WWOX: variants seen among roughly 807,000 people sequenced by gnomAD.
WWOX encodes WW domain containing oxidoreductase, also known as WW domain-containing oxidoreductase.
In WWOX, 69 loss-of-function variants were observed where a neutral mutation model predicts 46.2. The observed-to-expected ratio is 1.49, with a 90% CI of 1.23 to 1.82. The LOEUF (loss-of-function observed/expected upper bound fraction) is 1.82. Ranked by LOEUF, WWOX falls within the 40% of genes most tolerant of loss-of-function variation. WWOX has a pLI of 0.00. For synonymous variants in WWOX, 359 were observed against 202.6 expected, an observed-to-expected ratio of 1.77 and a Z score of -6.56; for missense variants, 919 against 542.6, an observed-to-expected ratio of 1.69 and a Z score of -6.89.
intron 5 of WWOX, among the ~76,000 whole-genome samples, chr16:78,315,653 AGAATAAAAAT>A (rs1443335181): frequency 6.6e-6 from 1 of 151,898 alleles, no homozygotes; most frequent in Non-Finnish European, 1.5e-5. Flanking sequence ...GTCTCAAAAA[AGAATAAAAAT>A]GAATAAAAAT....
chr16:79,025,292 C>T (rs1244489212), intron 8 of WWOX, among the ~76,000 whole-genome samples: 1 of 152,122 alleles, frequency 6.6e-6, no homozygotes, highest in Non-Finnish European at 1.5e-5. Flanking sequence ...AAGACAGTAG[C>T]CCTTTGGGTT....
chr16:78,795,657 T>C (rs191910403), intron 8 of WWOX, among the ~76,000 whole-genome samples: 2 of 152,200 alleles, frequency 1.3e-5, no homozygotes, highest in Admixed American at 6.5e-5. Context: ...TGAATTTTTA[T>C]TTTTTTATTA....
chr16:78,173,313 G>A (rs1217877366), intron 5 of WWOX, among the ~76,000 whole-genome samples: 2 of 152,018 alleles, frequency 1.3e-5, no homozygotes, highest in Non-Finnish European at 1.5e-5. Context: ...TTTTGAGATA[G>A]GGTATTGCTC....
At chr16:79,121,969 T>G (rs1043321182) in intron 8 of WWOX, among the ~76,000 whole-genome samples, 1 of 152,076 alleles carries the variant, frequency 6.6e-6, no homozygotes, top group African/African-American at 2.4e-5. Context: ...GTGCTACGGA[T>G]TTAATATAGC....
rs554487189 is a variant in WWOX at position 78,396,772 on chromosome 16, A to G, written c.605+9824A>G. 2.4e-4 allele frequency among the ~76,000 whole-genome samples: 36 copies of G among 152,376 alleles called. No individual in the cohort carries two copies. In the South Asian group the frequency reaches 7.2e-3, roughly 31 times the overall value. ...CAGTCTCTGCGGCAACCATTCAAGCATTGTTGAATACATTGTTGAGTGTTA... is the reference window on the plus strand; with the variant it reads ...CAGTCTCTGCGGCAACCATTCAAGCGTTGTTGAATACATTGTTGAGTGTTA... On this transcript the variant is annotated intron_variant, in intron 6 of 8. Transcript: ENST00000566780.
At chr16:78,898,627 C>T (rs999555943) in intron 8 of WWOX, 1 of 152,058 alleles carries the variant, frequency 6.6e-6, no homozygotes, top group Non-Finnish European at 1.5e-5. Flanking sequence ...ATTTCCTGAT[C>T]AGCTTCTCCA....
chr16:79,147,939 G>T (rs1262427348), intron 8 of WWOX, among the ~76,000 whole-genome samples: 1 of 151,808 alleles, frequency 6.6e-6, no homozygotes, highest in African/African-American at 2.4e-5. Flanking sequence ...TATTATTGTT[G>T]CATTTTGAAA....
Position 78,913,809 on chromosome 16 carries a change from C to T in WWOX, c.1057-297799C>T, listed in dbSNP as rs573327057. Among the ~76,000 whole-genome samples the T allele has an allele frequency of 8.6e-5, 13 of 152,018 alleles. No individual in the cohort carries two copies. The South Asian group carries it at 2.7e-3, about 32-fold the overall frequency. On this transcript the variant is annotated intron_variant, in intron 8 of 8. Transcript: ENST00000566780. ...CCTGAATAGCTGGGACTAAAGTGTG[C>T]ACCACAATGCCCAGCTAACTTTTGT... is the stretch of plus-strand genomic sequence containing the variant.
intron 8 of WWOX, among the ~76,000 whole-genome samples, chr16:79,037,245 C>G (rs1040065359): frequency 2.0e-5 from 3 of 152,176 alleles, no homozygotes; most frequent in East Asian, 3.8e-4. Flanking sequence ...CTCTCTCTCG[C>G]TCCTGCTCCT....
At chr16:78,154,032 G>A (rs776475919) in intron 4 of WWOX, among the ~76,000 whole-genome samples, 35 of 152,050 alleles carry the variant, frequency 2.3e-4, no homozygotes, top group Non-Finnish European at 3.4e-4. Flanking sequence ...CATGGTGTGC[G>A]GCTGCCTGCT....
In WWOX at chr16:78,548,178, AT is replaced by A. The variant is rs1567636495; in HGVS notation, c.1056+115428del. ...AAAAAAAAAAAAAAAAAAAAAAAAA[AT>A]TACGAATTTTGCGAGGACGCAAACA... On this transcript the variant is annotated intron_variant, in intron 8 of 8. Transcript: ENST00000566780. Among the ~76,000 whole-genome samples, 3 of 112,734 alleles carry A rather than the reference AT, an allele frequency of 2.7e-5. 1 individual carries two copies. Among genetic ancestry groups the A allele is most frequent in the Non-Finnish European group, 3.7e-5 (2 of 54,642 alleles). 74.0% of individuals were successfully genotyped at this position (112,734 alleles called of 152,430 possible).
chr16:78,585,960 G>A (rs1007402137), intron 8 of WWOX, among the ~76,000 whole-genome samples: 1 of 152,060 alleles, frequency 6.6e-6, no homozygotes, highest in Non-Finnish European at 1.5e-5. Context: ...AGTTTTGGAG[G>A]CCGAGACTCG....
chr16:78,500,999 T>G (rs952363190), intron 8 of WWOX, among the ~76,000 whole-genome samples: 1 of 152,146 alleles, frequency 6.6e-6, no homozygotes, highest in African/African-American at 2.4e-5. Flanking sequence ...CAGGGAAATA[T>G]GTTTCACTTT....
intron 8 of WWOX, among the ~76,000 whole-genome samples, chr16:78,772,658 T>G (rs865774387): frequency 1.3e-5 from 2 of 152,356 alleles, no homozygotes; most frequent in African/African-American, 4.8e-5. Context: ...AATTCCAGGC[T>G]TCAAGCCACT....
At chr16:79,007,942 A>G (rs987691882) in intron 8 of WWOX, among the ~76,000 whole-genome samples, 7 of 152,184 alleles carry the variant, frequency 4.6e-5, no homozygotes, top group African/African-American at 1.7e-4. Flanking sequence ...TGTGTTAGCT[A>G]TCTCTTGCTG....
intron 5 of WWOX, among the ~76,000 whole-genome samples, chr16:78,211,092 A>C (rs2036546312): frequency 6.6e-6 from 1 of 152,228 alleles, no homozygotes; most frequent in Non-Finnish European, 1.5e-5. Flanking sequence ...GATACTTCAG[A>C]TATTCCTACT....
At chr16:78,747,350 CCTGT>C (rs1490547174) in intron 8 of WWOX, among the ~76,000 whole-genome samples, 1 of 152,004 alleles carries the variant, frequency 6.6e-6, no homozygotes, top group Admixed American at 6.6e-5. Flanking sequence ...TGCGACCACA[CCTGT>C]CTAATTTCTT....
At chr16:79,166,630 G>T (rs1597438868) in intron 8 of WWOX, among the ~76,000 whole-genome samples, 1 of 152,150 alleles carries the variant, frequency 6.6e-6, no homozygotes, top group East Asian at 1.9e-4. Context: ...TGCAATCCAA[G>T]TTTAGGAAGC....
intron 8 of WWOX, among the ~76,000 whole-genome samples, chr16:78,912,150 C>T (rs1037621415): frequency 1.3e-5 from 2 of 151,910 alleles, no homozygotes; most frequent in East Asian, 1.9e-4. Flanking sequence ...GAGATGATGC[C>T]ATTACAGGTT....
Sources: gnomAD v4.1 joint callset for allele counts (sites outside exome capture counted in the v4.1 genomes callset) on GRCh38, gnomAD v4.1.1 for gene constraint, MANE v1.5 for transcripts, NCBI Gene and HGNC (gene_info 2026-07-23, HGNC 2026-07-21) for gene names.